Variants in SNU13 observed in about 807,000 individuals in gnomAD.
The protein encoded by SNU13 is NHP2-like protein 1.
SNU13 carries 2 observed loss-of-function variants against 12.4 expected under a neutral mutation model. That is an observed-to-expected ratio of 0.16 (90% confidence interval 0.07 to 0.51). SNU13 has a LOEUF of 0.51. SNU13 is among the 20% of genes least tolerant of loss of function. SNU13 has a pLI of 0.96. For missense variants in SNU13, 66 were observed against 157.8 expected (o/e 0.42, Z 3.12); for synonymous variants, 68 against 66.5 (o/e 1.02, Z -0.11).
In SNU13 at chr22:41,675,040, C is replaced by T. The variant is rs2068199439; in HGVS notation, c.280G>A (p.Gly94Arg). 1 of 1,614,040 alleles carries T rather than the reference C, an allele frequency of 6.2e-7. No individual in the cohort carries two copies. Among genetic ancestry groups the T allele is most frequent in the African/African-American group, 1.3e-5 (1 of 74,940 alleles). The change falls in exon 3 of 3, where the codon GGG (glycine) becomes AGG (arginine). Residue 94 changes from glycine to arginine, a missense_variant. Coordinates refer to ENST00000401959, the MANE Select transcript of SNU13 (RefSeq NM_001003796.2). ...CAGGCGATGACAGGCCTGGAGACCC[C>T]ACAGGCTCTCCCCAGGGCCTGCTTG... ...RSKQALGRAC[G>R]VSRPVIACSV...
intron 2 of SNU13, among the ~76,000 whole-genome samples, chr22:41,676,531 C>CT (rs35474083): frequency 0.096 from 14,243 of 148,364 alleles, 1,664 homozygotes; most frequent in African/African-American, 0.28. Flanking sequence ...TAACCTAATT[C>CT]TTTTTTTTTT....
Position 41,688,785 on chromosome 22 carries a change from C to T in SNU13, c.3+9G>A. ...GCTTCCCGGTCCCTCGGCCGGCGCA[C>T]GCACTCACCATGGCTGCGGTTCCGC... On this transcript the variant is annotated intron_variant, in intron 1 of 2. Coordinates refer to ENST00000401959, the MANE Select transcript of SNU13 (RefSeq NM_001003796.2). 3.1e-6 allele frequency: 5 copies of T among 1,601,776 alleles called. No homozygotes were observed. Among genetic ancestry groups the T allele is most frequent in the Non-Finnish European group, 4.3e-6 (5 of 1,171,016 alleles).
chr22:41,682,246 T>C (rs1479936599), intron 1 of SNU13: 5 of 1,216,478 alleles, frequency 4.1e-6, no homozygotes, highest in Non-Finnish European at 4.8e-6. Flanking sequence ...CGCACCTGCC[T>C]TTTCCTCCTT....
At chr22:41,688,932 C>T, upstream of SNU13, 1 of 1,424,846 alleles carries the variant, frequency 7.0e-7, no homozygotes, top group Admixed American at 2.3e-5. Context: ...TGACGCTACG[C>T]GAGCGAGTGG....
intron 1 of SNU13, among the ~76,000 whole-genome samples, chr22:41,682,833 G>A (rs939569454): frequency 2.0e-5 from 3 of 152,056 alleles, no homozygotes; most frequent in African/African-American, 7.2e-5. Context: ...ATTTTTAGTA[G>A]AGACGGGGTT....
In SNU13 at chr22:41,674,105, A is replaced by T. The variant is rs1022349862; in HGVS notation, c.*828T>A. 6.6e-6 allele frequency: 1 copy of T among 152,318 alleles called. No individual in the cohort carries two copies. Among genetic ancestry groups the T allele is most frequent in the African/African-American group, 2.4e-5 (1 of 41,454 alleles). 9.4% of individuals were successfully genotyped at this position (152,318 alleles called of 1,614,324 possible). On this transcript the variant is annotated 3_prime_UTR_variant, in exon 3 of 3. Coordinates refer to ENST00000401959, the MANE Select transcript of SNU13 (RefSeq NM_001003796.2). The stretch of plus-strand genomic sequence containing the variant: ...CACCAAAGAAAGTCCCATTCACCAG[A>T]GACAGGCTGTTTCCTTGGACTCCAC...
At chr22:41,683,280 G>A (rs1386390541) in intron 1 of SNU13, among the ~76,000 whole-genome samples, 3 of 152,178 alleles carry the variant, frequency 2.0e-5, no homozygotes, top group East Asian at 1.9e-4. Context: ...GATTACAGGC[G>A]TGAGCCACCG....
At chr22:41,686,157 A>G (rs1423347412) in intron 1 of SNU13, among the ~76,000 whole-genome samples, 2 of 152,004 alleles carry the variant, frequency 1.3e-5, no homozygotes, top group East Asian at 3.9e-4. Context: ...ATATTTAAGT[A>G]TTGGTATAAT....
At chr22:41,684,497 G>C (rs1016655676) in intron 1 of SNU13, among the ~76,000 whole-genome samples, 1 of 151,622 alleles carries the variant, frequency 6.6e-6, no homozygotes, top group African/African-American at 2.4e-5. Context: ...CTTATGCTCT[G>C]GTATGTGGTA....
At chr22:41,678,294 A>T (rs2068232442) in intron 2 of SNU13, among the ~76,000 whole-genome samples, 1 of 152,052 alleles carries the variant, frequency 6.6e-6, no homozygotes, top group African/African-American at 2.4e-5. Context: ...ATTCTTTACC[A>T]CCAGGCATAA....
At chr22:41,676,225 C>T (rs2068212707) in intron 2 of SNU13, among the ~76,000 whole-genome samples, 1 of 152,160 alleles carries the variant, frequency 6.6e-6, no homozygotes, top group African/African-American at 2.4e-5. Context: ...TTCTAGAAAG[C>T]TGATCCCACA....
intron 1 of SNU13, among the ~76,000 whole-genome samples, chr22:41,685,249 C>T (rs2068301332): frequency 6.6e-6 from 1 of 152,070 alleles, no homozygotes; most frequent in Non-Finnish European, 1.5e-5. Context: ...GACAATAGCT[C>T]ACTGCAGCCT....
intron 1 of SNU13, chr22:41,681,686 A>G (rs774575254): frequency 6.5e-6 from 1 of 153,100 alleles, no homozygotes; most frequent in Non-Finnish European, 1.5e-5. Flanking sequence ...ATACTTATGG[A>G]TAAAATGATG....
At chr22:41,680,440 C>T in intron 1 of SNU13, 76 bp from the exon 2 acceptor site, 1 of 1,505,228 alleles carries the variant, frequency 6.6e-7, no homozygotes, top group Non-Finnish European at 9.1e-7. Context: ...TACTAATCAA[C>T]AATTGAGACA....
At chr22:41,688,259 G>A (rs1296017164) in intron 1 of SNU13, 1 of 152,450 alleles carries the variant, frequency 6.6e-6, no homozygotes, top group Non-Finnish European at 1.5e-5. Context: ...AATGCCAAAG[G>A]CTCCTCTAGG....
intron 1 of SNU13, among the ~76,000 whole-genome samples, chr22:41,685,854 G>A (rs758286315): frequency 6.6e-6 from 1 of 151,610 alleles, no homozygotes; most frequent in Non-Finnish European, 1.5e-5. Context: ...TGTAATCCCA[G>A]CTACTCGGGA....
At chr22:41,688,751 G>A in intron 1 of SNU13, 43 bp downstream of exon 1, 1 of 1,598,186 alleles carries the variant, frequency 6.3e-7, no homozygotes, top group Non-Finnish European at 8.6e-7. Context: ...ACGCAACCCT[G>A]AGTCTCCCGC....
upstream of SNU13, among the ~76,000 whole-genome samples, chr22:41,689,933 G>A (rs1601579685): frequency 6.7e-6 from 1 of 150,232 alleles, no homozygotes; most frequent in African/African-American, 2.5e-5. Flanking sequence ...AGCCGAGATC[G>A]CGCCATTGCA....
At chr22:41,680,442 A>G (rs1167866256) in intron 1 of SNU13, 78 bp from the exon 2 acceptor site, 21 of 1,488,326 alleles carry the variant, frequency 1.4e-5, no homozygotes, top group Admixed American at 3.7e-5. Context: ...CTAATCAACA[A>G]TTGAGACACA....
Sources: gnomAD v4.1 joint callset for allele counts (sites outside exome capture counted in the v4.1 genomes callset) on GRCh38, gnomAD v4.1.1 for gene constraint, MANE v1.5 for transcripts, NCBI Gene and HGNC (gene_info 2026-07-23, HGNC 2026-07-21) for gene names.